SCGB2B2: variants seen among roughly 807,000 people sequenced by gnomAD.
SCGB2B2 encodes the protein secretoglobin-like protein.
SCGB2B2 carries 11 observed loss-of-function variants against 7.6 expected under a neutral mutation model. That is an observed-to-expected ratio of 1.45 (90% CI 0.91 to 2.40). The LOEUF is 2.40. Among genes scored for constraint, SCGB2B2 ranks in the 30% most tolerant of loss-of-function variants. The probability of loss-of-function intolerance (pLI) is 0.00; values close to 1 mark genes in which losing one functional copy is unlikely to be tolerated. For missense variants in SCGB2B2, 104 were observed against 115.4 expected (o/e 0.90, Z 0.45); for synonymous variants, 50 against 48.6 (o/e 1.03, Z -0.12).
At chr19:34,624,338 T>C (rs1314999888) in intron 1 of SCGB2B2, among the ~76,000 whole-genome samples, 1 of 152,196 alleles carries the variant, frequency 6.6e-6, no homozygotes. Context: ...TGAATGACTA[T>C]CATTGGGGAA....
At chr19:34,637,873 T>C (rs572151868) in intron 1 of SCGB2B2, 19 of 152,304 alleles carry the variant, frequency 1.2e-4, no homozygotes, top group Non-Finnish European at 2.1e-4. Flanking sequence ...TTCAATGGCA[T>C]ATCAGTATGT....
chr19:34,661,348 A>T (rs553340097), intron 1 of SCGB2B2, among the ~76,000 whole-genome samples: 260 of 152,350 alleles, frequency 1.7e-3, no homozygotes, highest in Non-Finnish European at 2.7e-3. Flanking sequence ...GTGATAAAAT[A>T]AGGGAGACCA....
At chr19:34,673,583 T>C (rs1411546126) in intron 1 of SCGB2B2, among the ~76,000 whole-genome samples, 2 of 152,180 alleles carry the variant, frequency 1.3e-5, no homozygotes, top group Non-Finnish European at 2.9e-5. Context: ...ATAGGGGTCT[T>C]ATCTATGAAA....
At chr19:34,675,026 G>A (rs1475769734) in intron 1 of SCGB2B2, among the ~76,000 whole-genome samples, 1 of 152,136 alleles carries the variant, frequency 6.6e-6, no homozygotes, top group Non-Finnish European at 1.5e-5. Context: ...TCTCAGAGAA[G>A]GGAATACTAA....
At chr19:34,665,155 T>C (rs1264916697) in intron 1 of SCGB2B2, among the ~76,000 whole-genome samples, 1 of 152,030 alleles carries the variant, frequency 6.6e-6, no homozygotes, top group Admixed American at 6.6e-5. Flanking sequence ...GCCATGAGAG[T>C]GCAGGCCTTG....
intron 1 of SCGB2B2, among the ~76,000 whole-genome samples, chr19:34,638,497 A>G (rs940909198): frequency 6.6e-6 from 1 of 151,662 alleles, no homozygotes; most frequent in Non-Finnish European, 1.5e-5. Context: ...AAACAATGAC[A>G]ACAACAAAAA....
intron 1 of SCGB2B2, among the ~76,000 whole-genome samples, chr19:34,596,986 A>G (rs1382381073): frequency 6.6e-6 from 1 of 151,702 alleles, no homozygotes; most frequent in East Asian, 2.0e-4. Flanking sequence ...AGAGAGGGCC[A>G]GGAGGCTTCC....
At chr19:34,600,652 G>A (rs2065597119) in intron 1 of SCGB2B2, among the ~76,000 whole-genome samples, 1 of 152,124 alleles carries the variant, frequency 6.6e-6, no homozygotes, top group Admixed American at 6.5e-5. Context: ...GCCTCTTCAT[G>A]TGTTTATTCG....
intron 1 of SCGB2B2, among the ~76,000 whole-genome samples, chr19:34,648,259 A>G (rs1012416410): frequency 2.9e-4 from 44 of 152,242 alleles, no homozygotes; most frequent in Non-Finnish European, 5.1e-4. Flanking sequence ...ATGTAGGTGG[A>G]ATTTAAATCC....
intron 1 of SCGB2B2, among the ~76,000 whole-genome samples, chr19:34,671,915 T>C (rs921160203): frequency 2.6e-5 from 4 of 152,232 alleles, no homozygotes; most frequent in Non-Finnish European, 4.4e-5. Context: ...TTTTATGTGT[T>C]TATTTTCAAA....
chr19:34,619,177 T>C (rs1420164284), intron 1 of SCGB2B2, among the ~76,000 whole-genome samples: 4 of 152,228 alleles, frequency 2.6e-5, no homozygotes, highest in Non-Finnish European at 4.4e-5. Flanking sequence ...ACAGCTCTTT[T>C]ACACCACACA....
chr19:34,598,199 A>G (rs2065516776), intron 1 of SCGB2B2, among the ~76,000 whole-genome samples: 1 of 152,208 alleles, frequency 6.6e-6, no homozygotes, highest in Non-Finnish European at 1.5e-5. Context: ...TTGCAGGAAC[A>G]GTGACGCAGC....
intron 1 of SCGB2B2, among the ~76,000 whole-genome samples, chr19:34,622,255 A>G (rs75422224): frequency 0.02 from 3,087 of 152,312 alleles, 46 homozygotes; most frequent in East Asian, 0.067. Flanking sequence ...TTTTTGCTAC[A>G]TAGAGACTGA....
At chr19:34,615,408 T>A (rs1462910186) in intron 1 of SCGB2B2, among the ~76,000 whole-genome samples, 1 of 151,694 alleles carries the variant, frequency 6.6e-6, no homozygotes, top group African/African-American at 2.4e-5. Context: ...CAGCTGATCA[T>A]GTGTAGGGGA....
At chr19:34,670,705 A>C (rs111292065) in intron 1 of SCGB2B2, among the ~76,000 whole-genome samples, 2,493 of 152,338 alleles carry the variant, frequency 0.016, 42 homozygotes, top group South Asian at 0.084. Flanking sequence ...TTAAAAGAGC[A>C]TGTCGCATAG....
intron 1 of SCGB2B2, among the ~76,000 whole-genome samples, chr19:34,624,284 G>A (rs2066311483): frequency 6.6e-6 from 1 of 152,200 alleles, no homozygotes; most frequent in African/African-American, 2.4e-5. Flanking sequence ...CAAATGGAGA[G>A]GAGGGTATTC....
chr19:34,669,009 A>G (rs2067724745), intron 1 of SCGB2B2, among the ~76,000 whole-genome samples: 1 of 152,032 alleles, frequency 6.6e-6, no homozygotes, highest in South Asian at 2.1e-4. Context: ...TTTACAATAA[A>G]TCTTGCTACT....
intron 1 of SCGB2B2, among the ~76,000 whole-genome samples, chr19:34,661,832 T>C (rs1407144063): frequency 6.6e-6 from 1 of 151,804 alleles, no homozygotes; most frequent in African/African-American, 2.4e-5. Flanking sequence ...TTCTGTGATT[T>C]TTTTTTTTAG....
chr19:34,630,735 A>AC (rs1486934683), intron 1 of SCGB2B2, among the ~76,000 whole-genome samples: 1 of 152,180 alleles, frequency 6.6e-6, no homozygotes, highest in Non-Finnish European at 1.5e-5. Context: ...AACTAGTATT[A>AC]CCATTTGACC....
Sources: gnomAD v4.1 joint callset for allele counts (sites outside exome capture counted in the v4.1 genomes callset) on GRCh38, gnomAD v4.1.1 for gene constraint, MANE v1.5 for transcripts, NCBI Gene and HGNC (gene_info 2026-07-23, HGNC 2026-07-21) for gene names.